Variants in TAS2R1 observed in about 807,000 individuals in gnomAD.
The protein encoded by TAS2R1 is taste 2 receptor member 1.
For missense variants in TAS2R1, 370 were observed against 353.4 expected, an observed-to-expected ratio of 1.05 and a Z score of -0.38; for synonymous variants, 141 against 134.2, an observed-to-expected ratio of 1.05 and a Z score of -0.35.
chr5:9,849,168 G>A, the TAS2R1 span, among the ~76,000 whole-genome samples: 4 of 152,172 alleles, frequency 2.6e-5, no homozygotes, highest in African/African-American at 7.2e-5. Flanking sequence ...CCTGGGATCC[G>A]AACTGAAAAG....
chr5:9,681,551 G>C (rs201427079), intron 1 of TAS2R1, among the ~76,000 whole-genome samples: 1 of 56,842 alleles, frequency 1.8e-5, no homozygotes, highest in African/African-American at 6.1e-5. Context: ...AAAAAAAAAA[G>C]ATGCCCTCCC....
At chr5:9,809,179 C>G in the TAS2R1 span, among the ~76,000 whole-genome samples, 29 of 152,280 alleles carry the variant, frequency 1.9e-4, no homozygotes, top group South Asian at 5.4e-3. Context: ...TCAAGTCTCT[C>G]TTTAGACTAG....
chr5:9,676,605 G>A (rs1740881475), intron 1 of TAS2R1, among the ~76,000 whole-genome samples: 1 of 152,064 alleles, frequency 6.6e-6, no homozygotes, highest in Non-Finnish European at 1.5e-5. Flanking sequence ...TAAAACTCAT[G>A]CAAAATAGAT....
At chr5:9,664,346 G>A (rs969540207) in intron 1 of TAS2R1, among the ~76,000 whole-genome samples, 5 of 152,170 alleles carry the variant, frequency 3.3e-5, no homozygotes, top group Admixed American at 2.6e-4. Flanking sequence ...GTTTCCTTTA[G>A]GTGCTGTGAT....
chr5:9,879,157 T>G, the TAS2R1 span, among the ~76,000 whole-genome samples: 1 of 152,264 alleles, frequency 6.6e-6, no homozygotes, highest in Non-Finnish European at 1.5e-5. Context: ...AATATTTTAA[T>G]GCAATGTTCT....
At chr5:9,901,687 T>G in the TAS2R1 span, among the ~76,000 whole-genome samples, 1 of 152,112 alleles carries the variant, frequency 6.6e-6, no homozygotes, top group Admixed American at 6.6e-5. Flanking sequence ...AGGCACTCTG[T>G]GGGAAAATAA....
At chr5:9,775,937 C>A in the TAS2R1 span, among the ~76,000 whole-genome samples, 1 of 152,174 alleles carries the variant, frequency 6.6e-6, no homozygotes, top group African/African-American at 2.4e-5. Context: ...GTGGCACAAG[C>A]GCTCCCTTGG....
chr5:9,836,435 G>T, the TAS2R1 span, among the ~76,000 whole-genome samples: 665 of 152,072 alleles, frequency 4.4e-3, 3 homozygotes, highest in African/African-American at 0.015. Context: ...TGCATTGTGG[G>T]GTGTTTAGCA....
At chr5:9,771,341 C>A in the TAS2R1 span, among the ~76,000 whole-genome samples, 1 of 152,080 alleles carries the variant, frequency 6.6e-6, no homozygotes, top group Non-Finnish European at 1.5e-5. Flanking sequence ...ATATGTTAAA[C>A]CATCCTTGCA....
At chr5:9,804,386 C>G in the TAS2R1 span, among the ~76,000 whole-genome samples, 1 of 152,120 alleles carries the variant, frequency 6.6e-6, no homozygotes, top group Non-Finnish European at 1.5e-5. Flanking sequence ...TACCCCACAA[C>G]AAATGGACTT....
the TAS2R1 span, among the ~76,000 whole-genome samples, chr5:9,733,371 A>T: frequency 6.6e-6 from 1 of 152,180 alleles, no homozygotes; most frequent in Non-Finnish European, 1.5e-5. Flanking sequence ...AGCATAACGT[A>T]TTTACTATCT....
At chr5:9,867,379 C>T in the TAS2R1 span, among the ~76,000 whole-genome samples, 2 of 152,074 alleles carry the variant, frequency 1.3e-5, no homozygotes, top group African/African-American at 4.8e-5. Context: ...GCTGGGGAGG[C>T]CTCACAATCA....
chr5:9,675,681 C>T (rs910219635), intron 1 of TAS2R1, among the ~76,000 whole-genome samples: 5 of 152,136 alleles, frequency 3.3e-5, no homozygotes, highest in African/African-American at 1.2e-4. Flanking sequence ...TCCCAAAGTG[C>T]TGGGATTACA....
At chr5:9,842,758 C>T in the TAS2R1 span, among the ~76,000 whole-genome samples, 3 of 151,974 alleles carry the variant, frequency 2.0e-5, no homozygotes, top group Non-Finnish European at 4.4e-5. Flanking sequence ...TAATTGGAAG[C>T]CTGAAACCTT....
chr5:9,828,406 A>G, the TAS2R1 span, among the ~76,000 whole-genome samples: 1 of 152,186 alleles, frequency 6.6e-6, no homozygotes, highest in Non-Finnish European at 1.5e-5. Flanking sequence ...GATTACAGAC[A>G]TGAGTCACCA....
At chr5:9,832,257 G>A in the TAS2R1 span, among the ~76,000 whole-genome samples, 39 of 152,320 alleles carry the variant, frequency 2.6e-4, no homozygotes, top group African/African-American at 8.7e-4. Context: ...TGTTCCAGAT[G>A]TCCGCATGCC....
At chr5:9,822,333 T>C in the TAS2R1 span, among the ~76,000 whole-genome samples, 1 of 149,306 alleles carries the variant, frequency 6.7e-6, no homozygotes, top group Non-Finnish European at 1.5e-5. Context: ...ATATGTAATG[T>C]ATGCATGTGT....
chr5:9,790,476 G>C, the TAS2R1 span, among the ~76,000 whole-genome samples: 1 of 152,122 alleles, frequency 6.6e-6, no homozygotes, highest in Admixed American at 6.5e-5. Context: ...ACTGTGTCAC[G>C]GCTGTTTCCC....
At chr5:9,643,935 C>T (rs1740135100) in intron 2 of TAS2R1, among the ~76,000 whole-genome samples, 1 of 152,146 alleles carries the variant, frequency 6.6e-6, no homozygotes, top group East Asian at 1.9e-4. Flanking sequence ...GGAATGAACA[C>T]TTCAGGCAGA....
Sources: gnomAD v4.1 joint callset for allele counts (sites outside exome capture counted in the v4.1 genomes callset) on GRCh38, gnomAD v4.1.1 for gene constraint, MANE v1.5 for transcripts, NCBI Gene and HGNC (gene_info 2026-07-23, HGNC 2026-07-21) for gene names.